The following MLIP variants were observed in gnomAD, a reference collection of about 807,000 sequenced individuals.
The protein encoded by MLIP is muscular LMNA-interacting protein.
MLIP carries 79 observed loss-of-function variants against 84.8 expected under a neutral mutation model. The ratio of observed to expected loss-of-function variants is 0.93; its 90% confidence interval spans 0.78 to 1.12. The LOEUF is 1.12. Among genes scored for constraint, MLIP ranks in the 50% most tolerant of loss-of-function variants. The pLI is 0.00. For synonymous variants in MLIP, 504 were observed against 463.0 expected (o/e 1.09, Z -1.14); for missense variants, 1,257 against 1,160.6 (o/e 1.08, Z -1.21).
chr6:54,144,402 C>T (rs1174911088), intron 4 of MLIP, among the ~76,000 whole-genome samples: 1 of 152,178 alleles, frequency 6.6e-6, no homozygotes, highest in East Asian at 1.9e-4. Flanking sequence ...ATTTACTGCA[C>T]CGGTCCCCAA....
At chr6:54,130,926 T>C (rs2150464947) in intron 3 of MLIP, among the ~76,000 whole-genome samples, 1 of 152,124 alleles carries the variant, frequency 6.6e-6, no homozygotes. Flanking sequence ...AGGCCATAAA[T>C]AAAAGTTTTG....
intron 3 of MLIP, among the ~76,000 whole-genome samples, chr6:54,135,797 A>G (rs1771744784): frequency 6.6e-6 from 1 of 152,178 alleles, no homozygotes; most frequent in Non-Finnish European, 1.5e-5. Flanking sequence ...TTCAGTGCTT[A>G]TCTTAAAGTA....
intron 9 of MLIP, among the ~76,000 whole-genome samples, chr6:54,176,901 A>G (rs140698392): frequency 0.013 from 2,018 of 152,234 alleles, 52 homozygotes; most frequent in African/African-American, 0.046. Context: ...AAGACCACAC[A>G]TCTACAACTA....
At chr6:54,226,393 A>C (rs1284592645) in intron 11 of MLIP, among the ~76,000 whole-genome samples, 1 of 152,156 alleles carries the variant, frequency 6.6e-6, no homozygotes, top group Non-Finnish European at 1.5e-5. Flanking sequence ...GGAGATTGAA[A>C]ATGTCTTTTT....
intron 1 of MLIP, among the ~76,000 whole-genome samples, chr6:54,048,730 T>C (rs1344384905): frequency 6.6e-6 from 1 of 152,250 alleles, no homozygotes; most frequent in African/African-American, 2.4e-5. Flanking sequence ...GGTGACATTA[T>C]TATGTTTGAA....
chr6:54,043,175 C>G (rs1764842097), intron 1 of MLIP, among the ~76,000 whole-genome samples: 1 of 152,192 alleles, frequency 6.6e-6, no homozygotes. Flanking sequence ...GGAGTGGGAA[C>G]AAGTTCTCCC....
chr6:54,126,678 G>A (rs1274300697), intron 3 of MLIP, among the ~76,000 whole-genome samples: 16 of 152,022 alleles, frequency 1.1e-4, no homozygotes, highest in Admixed American at 9.8e-4. Context: ...AATGACCAGA[G>A]CACCAAAGAA....
intron 1 of MLIP, among the ~76,000 whole-genome samples, chr6:54,085,650 T>A (rs950784510): frequency 6.6e-6 from 1 of 152,166 alleles, no homozygotes; most frequent in African/African-American, 2.4e-5. Flanking sequence ...TGAACAGTTT[T>A]ACAAACCCAG....
At chr6:54,257,228 A>G in intron 12 of MLIP, 80 bp from the exon 13 acceptor site, 2 of 962,876 alleles carry the variant, frequency 2.1e-6, no homozygotes, top group Non-Finnish European at 3.3e-6. Context: ...GTCATTGTCA[A>G]TCTGTTTAAA....
At chr6:54,083,450 C>G in intron 1 of MLIP, 2 of 1,518,982 alleles carry the variant, frequency 1.3e-6, no homozygotes, top group Non-Finnish European at 1.8e-6. Flanking sequence ...GCTTTGTCAT[C>G]TTTGCAGCTC....
intron 11 of MLIP, among the ~76,000 whole-genome samples, chr6:54,207,165 A>C (rs1250335684): frequency 6.6e-6 from 1 of 151,744 alleles, no homozygotes; most frequent in Non-Finnish European, 1.5e-5. Context: ...TAAGGACTGA[A>C]GTCCTTATGA....
chr6:54,221,180 T>C (rs1252531111), intron 11 of MLIP, among the ~76,000 whole-genome samples: 2 of 152,270 alleles, frequency 1.3e-5, no homozygotes, highest in East Asian at 3.9e-4. Context: ...GTGTAGCTGA[T>C]GATAGTCTTC....
chr6:54,123,581 C>T (rs931150487), intron 2 of MLIP, among the ~76,000 whole-genome samples: 3 of 152,130 alleles, frequency 2.0e-5, no homozygotes, highest in African/African-American at 7.2e-5. Flanking sequence ...TACATGCACA[C>T]ACAGTACACA....
chr6:54,222,046 T>G lies in MLIP; in HGVS notation c.2719-8668T>G, dbSNP rs79782472. On this transcript the variant is annotated intron_variant, in intron 11 of 13. Coordinates refer to ENST00000502396, the MANE Select transcript of MLIP (RefSeq NM_001281747.2). ...GAATAAAATTTCTGTGTTTTACTTT[T>G]TTTATTCTCTAACTTTATTGAGGTA... Among the ~76,000 whole-genome samples, 144 of 152,202 alleles carry G rather than the reference T, an allele frequency of 9.5e-4. 1 individual carries two copies. In the East Asian group the frequency reaches 0.023, roughly 24 times the overall value.
At position 54,132,300 on chromosome 6, in the gene MLIP, G is replaced by A. The variant is rs547014697; in HGVS notation, c.646-4415G>A. 1.4e-3 allele frequency among the ~76,000 whole-genome samples: 215 copies of A among 152,228 alleles called. 4 individuals are homozygous for A. In the South Asian group the frequency reaches 0.041, roughly 29 times the overall value. ...AATTTCTGTTTTATATCTATGTTAG[G>A]ATCAGGGAGCTAGGAAAAAATTAAA... On this transcript the variant is annotated intron_variant, in intron 3 of 13. Transcript: ENST00000502396.
At chr6:54,111,332 C>G (rs1056330937), upstream of MLIP, 3 of 1,348,086 alleles carry the variant, frequency 2.2e-6, no homozygotes, top group East Asian at 5.3e-5. Flanking sequence ...CTCTTCGGAG[C>G]TGACACAATT....
At chr6:54,083,549 G>C (rs1169414178) in intron 1 of MLIP, 2 of 1,535,800 alleles carry the variant, frequency 1.3e-6, no homozygotes, top group African/African-American at 2.7e-5. Flanking sequence ...CTGCTTTCTT[G>C]ACATCTGCTA....
chr6:54,219,740 T>A (rs890863042), intron 11 of MLIP, among the ~76,000 whole-genome samples: 6 of 152,150 alleles, frequency 3.9e-5, no homozygotes, highest in African/African-American at 1.4e-4. Flanking sequence ...CCTTTGTAGG[T>A]CTGAATGCTA....
At chr6:54,222,733 C>T (rs1430352350) in intron 11 of MLIP, among the ~76,000 whole-genome samples, 2 of 151,980 alleles carry the variant, frequency 1.3e-5, no homozygotes, top group East Asian at 3.9e-4. Flanking sequence ...TGATGATATA[C>T]CCAGAAGTGG....
Sources: allele counts gnomAD v4.1 joint callset (sites outside exome capture counted in the v4.1 genomes callset), GRCh38; gene constraint gnomAD v4.1.1; transcripts MANE v1.5; gene names NCBI Gene and HGNC (gene_info 2026-07-23, HGNC 2026-07-21).